Variants in ASAP2 observed in about 807,000 individuals in gnomAD.
ASAP2 encodes the protein arf-GAP with SH3 domain, ANK repeat and PH domain-containing protein 2.
Under a neutral mutation model 131.4 loss-of-function variants are expected in ASAP2, and 45 were observed. That is an observed-to-expected ratio of 0.34 (90% CI 0.27 to 0.44). The LOEUF is 0.44. Among genes scored for constraint, ASAP2 ranks in the 20% least tolerant of loss-of-function variants. The pLI, the probability that ASAP2 is intolerant of heterozygous loss-of-function variation, is 1.00. For missense variants in ASAP2, 1,011 were observed against 1,297.0 expected, an observed-to-expected ratio of 0.78 and a Z score of 3.39; for synonymous variants, 510 against 503.0, an observed-to-expected ratio of 1.01 and a Z score of -0.19.
At chr2:9,297,874 A>G (rs1026330934) in intron 3 of ASAP2, among the ~76,000 whole-genome samples, 1 of 152,168 alleles carries the variant, frequency 6.6e-6, no homozygotes, top group Non-Finnish European at 1.5e-5. Flanking sequence ...TACCATGAAT[A>G]TTTAAAGGCC....
At chr2:9,254,527 A>ATTT (rs546862626) in intron 1 of ASAP2, among the ~76,000 whole-genome samples, 298 of 27,982 alleles carry the variant, frequency 0.011, 72 homozygotes, top group African/African-American at 0.035. Context: ...TAATTTTTGG[A>ATTT]TTTTTTTTTT....
rs1353863267 is a variant in ASAP2 at position 9,268,592 on chromosome 2, T to A, written c.127-10725T>A. Among the ~76,000 whole-genome samples, 1 of 152,208 alleles carries A rather than the reference T, an allele frequency of 6.6e-6. No individual in the cohort carries two copies. The highest frequency in any genetic ancestry group is 1.5e-5 in the Non-Finnish European group (1 of 68,032). On this transcript the variant is annotated intron_variant, in intron 1 of 27. Transcript: ENST00000281419. The surrounding 1 kb of genome is among the most constrained non-coding windows in gnomAD (Gnocchi z 4.1). ...AAATATTTGACACTGTCATTAATGC[T>A]CTCTGTTACTTTCTGAAGAGTCGAA...
chr2:9,231,752 T>G (rs1663181240), intron 1 of ASAP2, among the ~76,000 whole-genome samples: 1 of 152,176 alleles, frequency 6.6e-6, no homozygotes, highest in South Asian at 2.1e-4. Flanking sequence ...TGCCATGCCT[T>G]CCTTTGGAGA....
chr2:9,390,322 G>A (rs1675619642), intron 22 of ASAP2, among the ~76,000 whole-genome samples: 1 of 152,234 alleles, frequency 6.6e-6, no homozygotes, highest in South Asian at 2.1e-4. Context: ...CCCCAGGGGA[G>A]GAGCTCGAAG....
intron 9 of ASAP2, among the ~76,000 whole-genome samples, chr2:9,344,312 G>T (rs113838749): frequency 6.6e-5 from 10 of 152,064 alleles, no homozygotes; most frequent in African/African-American, 2.4e-4. Flanking sequence ...TGGGAATATT[G>T]GTTTCCTGAC....
At chr2:9,303,448 A>T (rs575408466) in intron 3 of ASAP2, among the ~76,000 whole-genome samples, 67 of 152,240 alleles carry the variant, frequency 4.4e-4, no homozygotes, top group African/African-American at 1.5e-3. Flanking sequence ...GGCTTGTTAG[A>T]CTTGGGTGCA....
intron 1 of ASAP2, among the ~76,000 whole-genome samples, chr2:9,233,515 C>T (rs937599624): frequency 2.0e-5 from 3 of 152,142 alleles, no homozygotes; most frequent in African/African-American, 7.2e-5. Context: ...ATACACTTTG[C>T]AGGAAATGCA....
At chr2:9,209,100 CAA>C (rs1661351930) in intron 1 of ASAP2, among the ~76,000 whole-genome samples, 5 of 152,306 alleles carry the variant, frequency 3.3e-5, no homozygotes, top group African/African-American at 1.2e-4. Flanking sequence ...GAGCAGATTA[CAA>C]AGAGACTGGA....
intron 1 of ASAP2, among the ~76,000 whole-genome samples, chr2:9,270,306 G>A (rs1043421441): frequency 1.3e-5 from 2 of 152,134 alleles, no homozygotes; most frequent in African/African-American, 4.8e-5. Flanking sequence ...TTTTCGTTTG[G>A]GGAGCATGGT....
At chr2:9,316,974 C>A (rs1669724434) in intron 3 of ASAP2, among the ~76,000 whole-genome samples, 2 of 146,844 alleles carry the variant, frequency 1.4e-5, no homozygotes, top group South Asian at 4.5e-4. Flanking sequence ...CCCCCCGTCA[C>A]ACCCTCTCAT....
intron 24 of ASAP2, among the ~76,000 whole-genome samples, chr2:9,397,468 C>T (rs967814210): frequency 7.2e-5 from 11 of 152,052 alleles, no homozygotes; most frequent in African/African-American, 2.4e-4. Flanking sequence ...GGAGCCATGT[C>T]GTCAGCGCCC....
chr2:9,400,204 TCCCCTCCTGCCCCCTCCCCTCCTGCCC>T (rs1676510641), intron 25 of ASAP2, 132 bp downstream of exon 25: 1 of 782,336 alleles, frequency 1.3e-6, no homozygotes, highest in African/African-American at 2.7e-5. Context: ...TCCTGCCCCC[TCCCCTCCTGCCCCCTCCCCTCCTGCCC>T]CCTCCCCTCC....
At chr2:9,289,371 GA>G (rs1667656135) in intron 2 of ASAP2, among the ~76,000 whole-genome samples, 2 of 152,182 alleles carry the variant, frequency 1.3e-5, no homozygotes, top group South Asian at 4.1e-4. Context: ...TCTGTTTGAT[GA>G]ATCTTTGTGT....
chr2:9,274,344 A>G (rs1380672251), intron 1 of ASAP2, among the ~76,000 whole-genome samples: 1 of 99,530 alleles, frequency 1.0e-5, no homozygotes, highest in East Asian at 3.2e-4. Flanking sequence ...TTTTTTTGAG[A>G]CAGAGTCTCA....
chr2:9,294,253 C>T (rs1668014190), intron 2 of ASAP2, among the ~76,000 whole-genome samples: 1 of 152,132 alleles, frequency 6.6e-6, no homozygotes, highest in Non-Finnish European at 1.5e-5. Flanking sequence ...CCTGTCTCGG[C>T]CTCCCAAAGT....
intron 1 of ASAP2, among the ~76,000 whole-genome samples, chr2:9,246,798 C>G (rs1664367612): frequency 6.6e-6 from 1 of 152,148 alleles, no homozygotes; most frequent in Admixed American, 6.5e-5. Flanking sequence ...ATACTCCTGG[C>G]TTCTACACAA....
At chr2:9,283,950 A>G (rs1237177736) in intron 2 of ASAP2, among the ~76,000 whole-genome samples, 1 of 152,170 alleles carries the variant, frequency 6.6e-6, no homozygotes, top group Non-Finnish European at 1.5e-5. Context: ...CTTGGGGATT[A>G]GGGCTTTAAT....
chr2:9,350,645 G>GTAAC, intron 11 of ASAP2, 163 bp from the exon 12 acceptor site: 1 of 554,412 alleles, frequency 1.8e-6, no homozygotes, highest in Non-Finnish European at 3.1e-6. Flanking sequence ...AAAGGCCTCT[G>GTAAC]TAACTTGTCC....
intron 1 of ASAP2, among the ~76,000 whole-genome samples, chr2:9,229,682 G>A (rs1242663550): frequency 6.6e-6 from 1 of 152,238 alleles, no homozygotes; most frequent in Non-Finnish European, 1.5e-5. Context: ...GGCACACAGA[G>A]CACTGGAGGG....
Sources: gnomAD v4.1 joint callset for allele counts (sites outside exome capture counted in the v4.1 genomes callset) on GRCh38, gnomAD v4.1.1 for gene constraint, Gnocchi (gnomAD v3.1) non-coding constraint, MANE v1.5 for transcripts, NCBI Gene and HGNC (gene_info 2026-07-23, HGNC 2026-07-21) for gene names.